The following NEK7 variants were observed in gnomAD, a reference collection of about 807,000 sequenced individuals.
NEK7 encodes serine/threonine-protein kinase Nek7.
NEK7 carries 18 observed loss-of-function variants against 44.6 expected under a neutral mutation model. That is an observed-to-expected ratio of 0.40 (90% confidence interval 0.28 to 0.60). The LOEUF is 0.60. Among genes scored for constraint, NEK7 ranks in the 20% least tolerant of loss-of-function variants. The pLI is 0.38. For missense variants in NEK7, 256 were observed against 366.5 expected (o/e 0.70, Z 2.46); for synonymous variants, 130 against 121.1 (o/e 1.07, Z -0.48).
chr1:198,304,873 T>C (rs1229060350), intron 9 of NEK7, among the ~76,000 whole-genome samples: 1 of 152,206 alleles, frequency 6.6e-6, no homozygotes, highest in Non-Finnish European at 1.5e-5. Context: ...TTTTACTTTA[T>C]ATACTTTGTT....
intron 5 of NEK7, 129 bp downstream of exon 5, chr1:198,264,364 T>A (rs1053592560): frequency 3.3e-6 from 2 of 615,190 alleles, no homozygotes; most frequent in African/African-American, 4.0e-5. Flanking sequence ...CTGATAGATA[T>A]GTAACAAATA....
chr1:198,315,063 C>G (rs566666630), intron 9 of NEK7, among the ~76,000 whole-genome samples: 2 of 152,314 alleles, frequency 1.3e-5, no homozygotes, highest in African/African-American at 4.8e-5. Flanking sequence ...GATCTCAAGA[C>G]TGCTGTGCTA....
chr1:198,265,281 T>C (rs779948662), intron 5 of NEK7, among the ~76,000 whole-genome samples: 4 of 152,142 alleles, frequency 2.6e-5, no homozygotes, highest in Non-Finnish European at 5.9e-5. Flanking sequence ...GCTGGCCATA[T>C]GCCCAGCTAA....
At chr1:198,238,149 A>G (rs1008364662) in intron 2 of NEK7, among the ~76,000 whole-genome samples, 1 of 152,066 alleles carries the variant, frequency 6.6e-6, no homozygotes, top group Non-Finnish European at 1.5e-5. Flanking sequence ...TTCTTATTGA[A>G]GTTTTAATTT....
At chr1:198,307,413 A>C (rs1485406221) in intron 9 of NEK7, among the ~76,000 whole-genome samples, 1 of 152,152 alleles carries the variant, frequency 6.6e-6, no homozygotes, top group Non-Finnish European at 1.5e-5. Context: ...TGCTCCCAGG[A>C]TGCAGCCTTC....
At chr1:198,296,457 C>T (rs73080782) in intron 8 of NEK7, among the ~76,000 whole-genome samples, 3,880 of 152,096 alleles carry the variant, frequency 0.026, 159 homozygotes, top group African/African-American at 0.088. Flanking sequence ...GTTGTTCATC[C>T]TTTGGGTCGT....
At chr1:198,256,340 C>G in intron 3 of NEK7, 1 of 1,605,984 alleles carries the variant, frequency 6.2e-7, no homozygotes, top group Non-Finnish European at 8.5e-7. Flanking sequence ...TTGCCTGTTA[C>G]CTGTATGGGA....
chr1:198,315,952 G>A (rs945321911), intron 9 of NEK7, among the ~76,000 whole-genome samples: 1 of 152,168 alleles, frequency 6.6e-6, no homozygotes, highest in African/African-American at 2.4e-5. Flanking sequence ...TTGAAGGCAT[G>A]GGAGTAAGTG....
Position 198,174,019 on chromosome 1 carries a change from C to T in NEK7, c.-29+16743C>T, listed in dbSNP as rs978098955. On this transcript the variant is annotated intron_variant, in intron 1 of 9. Transcript: ENST00000367385. ...ATTTTATAGTCTGTGCTCAAAAGAG[C>T]AAGAGAGAAATTGCAAGATAGTGCA... Among the ~76,000 whole-genome samples, 3 of 152,182 alleles carry T rather than the reference C, an allele frequency of 2.0e-5. No individual in the cohort carries two copies. In the South Asian group the frequency reaches 6.2e-4, roughly 32 times the overall value.
chr1:198,262,678 G>A, intron 4 of NEK7, 41 bp downstream of exon 4: 3 of 1,188,294 alleles, frequency 2.5e-6, no homozygotes, highest in Non-Finnish European at 2.4e-6. Context: ...ATAACATGGT[G>A]ATAAAAGTGA....
intron 1 of NEK7, among the ~76,000 whole-genome samples, chr1:198,199,892 C>T (rs72751017): frequency 0.046 from 7,029 of 151,900 alleles, 258 homozygotes; most frequent in Middle Eastern, 0.071. Flanking sequence ...TTTTTCAATT[C>T]GAGCTTTTTG....
At chr1:198,199,335 A>G (rs1326059111) in intron 1 of NEK7, among the ~76,000 whole-genome samples, 1 of 152,200 alleles carries the variant, frequency 6.6e-6, no homozygotes, top group Non-Finnish European at 1.5e-5. Context: ...AGCTGCTTAG[A>G]GAGAGACACA....
chr1:198,162,733 C>T (rs956034400), intron 1 of NEK7, among the ~76,000 whole-genome samples: 4 of 152,020 alleles, frequency 2.6e-5, no homozygotes, highest in Non-Finnish European at 5.9e-5. Flanking sequence ...CTTGAATTCT[C>T]CTTTTCCTTT....
At chr1:198,256,370 A>G in intron 3 of NEK7, 1 of 1,611,734 alleles carries the variant, frequency 6.2e-7, no homozygotes, top group Non-Finnish European at 8.5e-7. Flanking sequence ...GTGTGCGCTA[A>G]ATGCATGTTA....
intron 9 of NEK7, among the ~76,000 whole-genome samples, chr1:198,297,916 C>A (rs1280464950): frequency 6.6e-6 from 1 of 152,216 alleles, no homozygotes; most frequent in African/African-American, 2.4e-5. Flanking sequence ...TGCTTGCTTG[C>A]TTTGGTAACC....
chr1:198,217,705 A>G (rs567697271), intron 1 of NEK7, among the ~76,000 whole-genome samples: 2 of 152,068 alleles, frequency 1.3e-5, no homozygotes, highest in Admixed American at 1.3e-4. Context: ...CTCCTCCAAA[A>G]CACTCCTAGA....
chr1:198,187,144 A>T (rs1223141159), intron 1 of NEK7, among the ~76,000 whole-genome samples: 3 of 152,200 alleles, frequency 2.0e-5, no homozygotes, highest in Non-Finnish European at 4.4e-5. Flanking sequence ...AAGTACTTGC[A>T]CTGCTATGTG....
Position 198,262,596 on chromosome 1 carries a change from A to G in NEK7, c.220A>G (p.Lys74Glu). ...KVQIFDLMDA[K>E]ARADCIKEID... ...TTAGATATTTGATTTAATGGATGCC[A>G]AAGCACGTGCTGATTGCATCAAAGA... The change falls in exon 4 of 10, where the codon AAA becomes GAA. Residue 74 changes from lysine to glutamate, a missense_variant. Transcript: ENST00000367385. The G allele has an allele frequency of 6.3e-7, 1 of 1,596,316 alleles. No homozygotes were observed. The highest frequency in any genetic ancestry group is 8.6e-7 in the Non-Finnish European group (1 of 1,168,322).
At chr1:198,189,912 A>T (rs934635118) in intron 1 of NEK7, among the ~76,000 whole-genome samples, 1 of 152,120 alleles carries the variant, frequency 6.6e-6, no homozygotes, top group Non-Finnish European at 1.5e-5. Flanking sequence ...CCAGGTTTCA[A>T]TGATATTTTT....
Sources: gnomAD v4.1 joint callset for allele counts (sites outside exome capture counted in the v4.1 genomes callset) on GRCh38, gnomAD v4.1.1 for gene constraint, MANE v1.5 for transcripts, NCBI Gene and HGNC (gene_info 2026-07-23, HGNC 2026-07-21) for gene names.